Variants in GTF3C4 observed in about 807,000 individuals in gnomAD.
GTF3C4 encodes general transcription factor IIIC subunit 4.
A neutral mutation model predicts 67.5 loss-of-function variants in GTF3C4; 28 were observed. The observed-to-expected ratio is 0.41, with a 90% CI of 0.31 to 0.57. The LOEUF (loss-of-function observed/expected upper bound fraction) is 0.57. Among genes scored for constraint, GTF3C4 ranks in the 20% least tolerant of loss-of-function variants. GTF3C4 has a pLI of 0.21. For missense variants in GTF3C4, 831 were observed against 1,033.2 expected (o/e 0.80, Z 2.68); for synonymous variants, 409 against 393.0 (o/e 1.04, Z -0.48).
rs750799025 is a variant in GTF3C4, at chr9:132,670,769, C to T, written c.171C>T (p.Ala57=). The T allele has an allele frequency of 1.9e-6, 3 of 1,573,666 alleles. No individual in the cohort carries two copies. The highest frequency in any genetic ancestry group is 2.3e-5 in the South Asian group (2 of 87,642). ...TCATGGTGACTCGGCGGGAGCCGGC[C>T]GTGAAGCTGCAGTATGCGGTGAGCG... ...FRLMVTRREP[A]VKLQYAVSGL... is the part of the protein sequence containing the mutation. Residue 57 remains alanine (A), a synonymous_variant, in exon 1 of 5, where the codon GCC becomes GCT. Coordinates refer to ENST00000372146, the MANE Select transcript of GTF3C4 (RefSeq NM_012204.4).
At position 132,689,071 on chromosome 9, in the gene GTF3C4, T is replaced by C; in HGVS notation, c.*126T>C. On this transcript the variant is annotated 3_prime_UTR_variant, in exon 5 of 5. Coordinates refer to ENST00000372146, the MANE Select transcript of GTF3C4 (RefSeq NM_012204.4). The stretch of plus-strand genomic sequence containing the variant: ...CGAGTGGAGAGAAGTCCTTGGTGAT[T>C]GTAAAGAGGGCCCCTGGAGCTCATT... 1.4e-6 allele frequency: 1 copy of C among 701,310 alleles called. No homozygotes were observed. Among genetic ancestry groups the C allele is most frequent in the East Asian group, 2.6e-5 (1 of 37,918 alleles). 43.4% of individuals were successfully genotyped at this position (701,310 alleles called of 1,614,324 possible).
rs776612032 is a variant in GTF3C4, at chr9:132,678,417, C to T, written c.798C>T (p.Asn266=). The change falls in exon 2 of 5, where the codon AAC becomes AAT. Residue 266 remains asparagine, a synonymous_variant. Transcript: ENST00000372146. The surrounding 1 kb of genome is among the most constrained non-coding windows in gnomAD (Gnocchi z 6.5). The part of the protein sequence containing the change: ...ICTTQQVKHN[N]ECRDVGSVLL... ...CCACCCAGCAGGTCAAGCATAACAA[C>T]GAATGCCGGGACGTTGGCAGTGTGC... 3.5e-5 allele frequency: 57 copies of T among 1,614,062 alleles called. No homozygotes were observed. In the South Asian group the frequency reaches 4.8e-4, roughly 14 times the overall value.
chr9:132,679,502 C>T lies in GTF3C4; in HGVS notation c.1883C>T (p.Ser628Phe), dbSNP rs771524922. ...DDEQQEEGTS[S>F]KQVVKQGLQE... ...GAACAGCAGGAAGAAGGCACTTCTTCCAAACAGGTGGTGAAGCAAGGCCTG... is the reference window on the plus strand; with the variant it reads ...GAACAGCAGGAAGAAGGCACTTCTTTCAAACAGGTGGTGAAGCAAGGCCTG... The change falls in exon 2 of 5, where the codon TCC (serine) becomes TTC (phenylalanine). Residue 628 changes from serine to phenylalanine, a missense_variant. Physicochemically the swap from Ser to Phe is radical, Grantham distance 155. Around this residue, in one of 4 missense-constraint regions of GTF3C4, gnomAD observed 75 missense variants for 66.4 expected, o/e 1.13. Coordinates refer to ENST00000372146, the MANE Select transcript of GTF3C4 (RefSeq NM_012204.4). This position sits in a 1 kb window ranked among gnomAD's most constrained non-coding sequence, Gnocchi z 5.9. 1 of 1,614,086 alleles carries T rather than the reference C, an allele frequency of 6.2e-7. No individual in the cohort carries two copies. The highest frequency in any genetic ancestry group is 8.5e-7 in the Non-Finnish European group (1 of 1,180,022).
In GTF3C4 at chr9:132,691,915, T is replaced by A. The variant is rs1345847554; in HGVS notation, c.*2970T>A. The A allele has an allele frequency of 6.6e-6, 1 of 152,204 alleles. No individual in the cohort carries two copies. The highest frequency in any genetic ancestry group is 2.4e-5 in the African/African-American group (1 of 41,464). 9.4% of individuals were successfully genotyped at this position (152,204 alleles called of 1,614,324 possible). A position where few individuals can be genotyped will look rare whatever the true frequency, so the allele number is the denominator to read the frequency against. On this transcript the variant is annotated 3_prime_UTR_variant, in exon 5 of 5. Coordinates refer to ENST00000372146, the MANE Select transcript of GTF3C4 (RefSeq NM_012204.4). Reference sequence around the variant, plus strand: ...GGTTAAAAAGAATATTAAAAGGCAATAATTAAATATTTCAATTATTTTGTA... The same window carrying A: ...GGTTAAAAAGAATATTAAAAGGCAAAAATTAAATATTTCAATTATTTTGTA...
chr9:132,670,171 C>G (rs1416094360), upstream of GTF3C4: 1 of 1,594,486 alleles, frequency 6.3e-7, no homozygotes. Flanking sequence ...CCCTCGCGGC[C>G]TGGCAAAATT....
rs1036557729 is a variant in GTF3C4 at position 132,690,682 on chromosome 9, A to G, written c.*1737A>G. 2 of 152,164 alleles carry G rather than the reference A, an allele frequency of 1.3e-5. No homozygotes were observed. The highest frequency in any genetic ancestry group is 2.4e-5 in the African/African-American group (1 of 41,448). The allele number at this position is 152,164 out of a possible 1,614,324, so 9.4% of individuals were successfully genotyped here. ...ATTTCAAGAAGAGCGTTTATCCACT[A>G]TTGATTTTCAAGAAAGAAACCAAGC... is the stretch of plus-strand genomic sequence containing the variant. On this transcript the variant is annotated 3_prime_UTR_variant, in exon 5 of 5. Transcript: ENST00000372146.
chr9:132,678,732 G>T lies in GTF3C4; in HGVS notation c.1113G>T (p.Val371=), dbSNP rs771460457. ...ILWKEMDQLP[V]HSIKCVPLYH... ...GGAAAGAAATGGACCAGTTACCTGTGCACAGTATCAAATGTGTGCCACTTT... is the reference window on the plus strand; with the variant it reads ...GGAAAGAAATGGACCAGTTACCTGTTCACAGTATCAAATGTGTGCCACTTT... Residue 371 remains valine, a synonymous_variant, in exon 2 of 5, where the codon GTG becomes GTT. Transcript: ENST00000372146. The surrounding 1 kb of genome is among the most constrained non-coding windows in gnomAD (Gnocchi z 6.5). 4 of 1,614,108 alleles carry T rather than the reference G, an allele frequency of 2.5e-6. No homozygotes were observed. The highest frequency in any genetic ancestry group is 3.4e-6 in the Non-Finnish European group (4 of 1,179,944).
upstream of GTF3C4, chr9:132,670,137 C>G: frequency 6.3e-7 from 1 of 1,591,042 alleles, no homozygotes; most frequent in Non-Finnish European, 8.6e-7. Flanking sequence ...CGTGCCCCCG[C>G]CTGGTGGCAG....
chr9:132,678,810 T>G lies in GTF3C4; in HGVS notation c.1191T>G (p.Ser397=), dbSNP rs1835900638. The G allele has an allele frequency of 6.2e-7, 1 of 1,614,070 alleles. No individual in the cohort carries two copies. The highest frequency in any genetic ancestry group is 8.5e-7 in the Non-Finnish European group (1 of 1,180,022). The change falls in exon 2 of 5, where the codon TCT becomes TCG. Residue 397 remains serine, a synonymous_variant. Coordinates refer to ENST00000372146, the MANE Select transcript of GTF3C4 (RefSeq NM_012204.4). The surrounding 1 kb of genome is among the most constrained non-coding windows in gnomAD (Gnocchi z 6.5). ...SCSLVVAARG[S]YVFWCLLLIS... is the part of the protein sequence containing the mutation. ...GCTTAGTAGTGGCTGCAAGAGGCTC[T>G]TATGTATTTTGGTGTCTTCTTCTGA...
rs1164551248 is a variant in GTF3C4, at chr9:132,670,763, G to T, written c.165G>T (p.Glu55Asp). The T allele has an allele frequency of 6.4e-7, 1 of 1,564,884 alleles. No homozygotes were observed. The highest frequency in any genetic ancestry group is 1.2e-5 in the South Asian group (1 of 86,878). ...TCCGCCTCATGGTGACTCGGCGGGA[G>T]CCGGCCGTGAAGCTGCAGTATGCGG... ...AAFRLMVTRR[E>D]PAVKLQYAVS... Residue 55 changes from glutamate (E) to aspartate (D), a missense_variant, in exon 1 of 5, where the codon GAG becomes GAT. By Grantham distance (45) the Glu-to-Asp change is conservative. Coordinates refer to ENST00000372146, the MANE Select transcript of GTF3C4 (RefSeq NM_012204.4).
At position 132,692,494 on chromosome 9, in the gene GTF3C4, C is replaced by A. The variant is rs952889665; in HGVS notation, c.*3549C>A. The A allele has an allele frequency of 6.6e-6, 1 of 152,236 alleles. No individual in the cohort carries two copies. Among genetic ancestry groups the A allele is most frequent in the African/African-American group, 2.4e-5 (1 of 41,556 alleles). The allele number at this position is 152,236 out of a possible 1,614,324, so 9.4% of individuals were successfully genotyped here. ...ACTCCCACCCCCAGCCAATATTCTT[C>A]ATAAGCAAAAATTATGGTTAAGCTA... On this transcript the variant is annotated 3_prime_UTR_variant, in exon 5 of 5. Coordinates refer to ENST00000372146, the MANE Select transcript of GTF3C4 (RefSeq NM_012204.4).
In GTF3C4 at chr9:132,689,558, T is replaced by C. The variant is rs1836082006; in HGVS notation, c.*613T>C. On this transcript the variant is annotated 3_prime_UTR_variant, in exon 5 of 5. Coordinates refer to ENST00000372146, the MANE Select transcript of GTF3C4 (RefSeq NM_012204.4). Reference sequence around the variant, plus strand: ...TATATTCTTAAGTTGAAGCCAAGACTAAAATTTAATGTGTCAAATGATCTG... The same window carrying C: ...TATATTCTTAAGTTGAAGCCAAGACCAAAATTTAATGTGTCAAATGATCTG... 6.5e-6 allele frequency: 1 copy of C among 152,736 alleles called. No homozygotes were observed. The highest frequency in any genetic ancestry group is 1.5e-5 in the Non-Finnish European group (1 of 68,440). 9.5% of individuals were successfully genotyped at this position (152,736 alleles called of 1,614,324 possible).
At chr9:132,680,722 C>T (rs1200762037) in intron 2 of GTF3C4, among the ~76,000 whole-genome samples, 2 of 152,224 alleles carry the variant, frequency 1.3e-5, no homozygotes, top group East Asian at 1.9e-4. Context: ...TGTGTACACA[C>T]GTTCGCCTTT....
chr9:132,687,371 G>C (rs759052865), intron 4 of GTF3C4, 44 bp downstream of exon 4: 3 of 1,002,456 alleles, frequency 3.0e-6, no homozygotes, highest in South Asian at 2.5e-5. Context: ...GGTGGAACAT[G>C]CTGGCAGAGG....
chr9:132,684,598 C>A (rs1270635461), intron 3 of GTF3C4, among the ~76,000 whole-genome samples: 1 of 152,204 alleles, frequency 6.6e-6, no homozygotes, highest in African/African-American at 2.4e-5. Context: ...CTCCCGCTGA[C>A]CTCATCTGCT....
rs534985393 is a variant in GTF3C4 at position 132,670,718 on chromosome 9, C to G, written c.120C>G (p.Ala40=). The change falls in exon 1 of 5, where the codon GCC becomes GCG. Residue 40 remains alanine, a synonymous_variant. Coordinates refer to ENST00000372146, the MANE Select transcript of GTF3C4 (RefSeq NM_012204.4). ...GGAAGGAGCCAGCAGCGGACGCGGC[C>G]CCGGGGCCCAGCGCTGCATTCCGCC... The part of the protein sequence containing the change: ...AGGKEPAADA[A]PGPSAAFRLM... 1 of 1,528,464 alleles carries G rather than the reference C, an allele frequency of 6.5e-7. No homozygotes were observed. The highest frequency in any genetic ancestry group is 8.7e-7 in the Non-Finnish European group (1 of 1,144,864). The allele number at this position is 1,528,464 out of a possible 1,614,324, so 94.7% of individuals were successfully genotyped here.
Position 132,670,510 on chromosome 9 carries a change from AGGGCGCTGGG to A in GTF3C4, c.-86_-77del, listed in dbSNP as rs1291024468. 2 of 1,117,424 alleles carry A rather than the reference AGGGCGCTGGG, an allele frequency of 1.8e-6. No individual in the cohort carries two copies. The highest frequency in any genetic ancestry group is 3.3e-5 in the African/African-American group (2 of 60,682). 69.2% of individuals were successfully genotyped at this position (1,117,424 alleles called of 1,614,324 possible). On this transcript the variant is annotated 5_prime_UTR_variant, in exon 1 of 5. Transcript: ENST00000372146. ...GCCTGAGGGGAGAAAACCGCCGCGG[AGGGCGCTGGG>A]GGTGGCGGCGGCGGTCCGGGAGGTG...
At chr9:132,683,832 A>AAT in intron 3 of GTF3C4, 139 bp downstream of exon 3, 1 of 822,240 alleles carries the variant, frequency 1.2e-6, no homozygotes. Context: ...TGCTATTATA[A>AAT]AGCCTGATGT....
intron 1 of GTF3C4, 113 bp downstream of exon 1, chr9:132,671,068 ACCGAGCG>A: frequency 1.4e-6 from 1 of 734,614 alleles, no homozygotes; most frequent in African/African-American, 1.8e-5. Context: ...CCCTCTTCGC[ACCGAGCG>A]CTGGGGATTT....
Sources: gnomAD v4.1 joint callset for allele counts (sites outside exome capture counted in the v4.1 genomes callset) on GRCh38, gnomAD v4.1.1 for gene constraint, gnomAD v4.1.1 regional missense constraint, Gnocchi (gnomAD v3.1) non-coding constraint, MANE v1.5 for transcripts, NCBI Gene and HGNC (gene_info 2026-07-23, HGNC 2026-07-21) for gene names.